Variants in NT5DC1 observed in about 807,000 individuals in gnomAD.
NT5DC1 encodes 5'-nucleotidase domain containing 1, also known as 5'-nucleotidase domain-containing protein 1.
In NT5DC1, 42 loss-of-function variants were observed where a neutral mutation model predicts 59.4. The observed-to-expected ratio is 0.71, with a 90% CI of 0.55 to 0.92. The LOEUF (loss-of-function observed/expected upper bound fraction) is 0.92, where lower values mean the gene tolerates loss of function less well. NT5DC1 is among the 40% of genes least tolerant of loss of function. The pLI is 0.00. For synonymous variants in NT5DC1, 172 were observed against 188.1 expected (o/e 0.91, Z 0.70); for missense variants, 501 against 537.1 (o/e 0.93, Z 0.66).
chr6:116,141,441 A>T (rs1273860545), intron 6 of NT5DC1, among the ~76,000 whole-genome samples: 2 of 152,152 alleles, frequency 1.3e-5, no homozygotes, highest in East Asian at 3.8e-4. Context: ...TGTTCAAAAT[A>T]ATTCATTGAG....
chr6:116,135,060 T>C (rs1474925772), intron 6 of NT5DC1, among the ~76,000 whole-genome samples: 1 of 152,186 alleles, frequency 6.6e-6, no homozygotes, highest in Non-Finnish European at 1.5e-5. Flanking sequence ...CATTTACTTA[T>C]TGATACATTG....
At chr6:116,147,635 G>C (rs928385818) in intron 6 of NT5DC1, among the ~76,000 whole-genome samples, 1 of 152,050 alleles carries the variant, frequency 6.6e-6, no homozygotes, top group Non-Finnish European at 1.5e-5. Flanking sequence ...CAAAGATTTA[G>C]TTTTATTTGT....
intron 9 of NT5DC1, chr6:116,237,490 A>T (rs1471430872): frequency 8.7e-6 from 4 of 458,036 alleles, no homozygotes; most frequent in South Asian, 6.2e-5. Context: ...GTGAGCTGAG[A>T]GATCGTGGGG....
chr6:116,156,681 A>G (rs537456448), intron 6 of NT5DC1, among the ~76,000 whole-genome samples: 2 of 152,342 alleles, frequency 1.3e-5, no homozygotes, highest in Admixed American at 1.3e-4. Flanking sequence ...ATGGAATGAC[A>G]CTGCAGATAT....
At chr6:116,110,344 A>G (rs184294359) in intron 3 of NT5DC1, among the ~76,000 whole-genome samples, 8 of 152,248 alleles carry the variant, frequency 5.3e-5, no homozygotes, top group Admixed American at 3.3e-4. Flanking sequence ...TGTGTCCTTG[A>G]GTGGGCAGGT....
rs1231780868 is a variant in NT5DC1, at chr6:116,223,086, G to T, written c.757G>T (p.Gly253Cys). The change falls in exon 8 of 12, where the codon GGT (glycine) becomes TGT (cysteine). Residue 253 changes from glycine (G) to cysteine (C), a missense_variant. Gly to Cys is a radical substitution (Grantham distance 159). Transcript: ENST00000319550. Reference sequence around the variant, plus strand: ...TGTGATTACAAATGCATTGAAGCCTGGTTTCTTCTCCCACTTACCAAGTCA... The same window carrying T: ...TGTGATTACAAATGCATTGAAGCCTTGTTTCTTCTCCCACTTACCAAGTCA... ...DIVITNALKP[G>C]FFSHLPSQRP... 6 of 1,609,186 alleles carry T rather than the reference G, an allele frequency of 3.7e-6. No individual in the cohort carries two copies. Among genetic ancestry groups the T allele is most frequent in the Non-Finnish European group, 5.1e-6 (6 of 1,175,978 alleles).
At chr6:116,178,377 T>G (rs73566411) in intron 6 of NT5DC1, among the ~76,000 whole-genome samples, 112 of 152,318 alleles carry the variant, frequency 7.4e-4, no homozygotes, top group African/African-American at 2.6e-3. Context: ...GAAGTCAGCC[T>G]TTCTTGATTC....
chr6:116,201,540 T>C (rs1244590007), intron 6 of NT5DC1, among the ~76,000 whole-genome samples: 1 of 151,984 alleles, frequency 6.6e-6, no homozygotes, highest in Non-Finnish European at 1.5e-5. Context: ...AGAACTTCAG[T>C]GAGGTGAGCA....
intron 6 of NT5DC1, among the ~76,000 whole-genome samples, chr6:116,150,024 G>T (rs1779997772): frequency 6.6e-6 from 1 of 152,164 alleles, no homozygotes; most frequent in Admixed American, 6.5e-5. Flanking sequence ...CTGTTGAGGA[G>T]CTGAGAGAAG....
intron 8 of NT5DC1, among the ~76,000 whole-genome samples, chr6:116,231,626 T>G (rs1441434838): frequency 1.3e-5 from 2 of 152,192 alleles, no homozygotes; most frequent in Non-Finnish European, 2.9e-5. Context: ...GAAAATGAAT[T>G]GTATTTCTAG....
intron 6 of NT5DC1, among the ~76,000 whole-genome samples, chr6:116,207,870 C>A (rs910471623): frequency 1.4e-4 from 21 of 151,990 alleles, no homozygotes; most frequent in Admixed American, 1.2e-3. Context: ...GGAATGAGGA[C>A]TGGGTTCCCA....
chr6:116,237,559 G>A (rs1782141307), intron 9 of NT5DC1: 2 of 456,338 alleles, frequency 4.4e-6, no homozygotes, highest in East Asian at 6.9e-5. Flanking sequence ...GACTCCTGAG[G>A]GTTAATGGAT....
chr6:116,114,478 T>G (rs141628710), intron 4 of NT5DC1, among the ~76,000 whole-genome samples: 392 of 118,330 alleles, frequency 3.3e-3, no homozygotes, highest in African/African-American at 0.012. Flanking sequence ...CAGTCAACGC[T>G]AAAGAACAAG....
At chr6:116,162,270 C>T (rs1205611400) in intron 6 of NT5DC1, among the ~76,000 whole-genome samples, 1 of 152,152 alleles carries the variant, frequency 6.6e-6, no homozygotes, top group African/African-American at 2.4e-5. Flanking sequence ...CCTTTAATTT[C>T]TTTCTCCTGC....
At chr6:116,197,843 G>A (rs948556416) in intron 6 of NT5DC1, among the ~76,000 whole-genome samples, 6 of 152,016 alleles carry the variant, frequency 3.9e-5, no homozygotes, top group South Asian at 2.1e-4. Flanking sequence ...ATTGAGAAGC[G>A]TTTACATGTA....
Position 116,247,543 on chromosome 6 carries a change from C to A in NT5DC1, c.*3519C>A, listed in dbSNP as rs945910743. Reference sequence around the variant, plus strand: ...GTAAGCTTAGTGGGAAATAGTATATCTGGGCCTATAGAGAAGTTGGGTCAT... The same window carrying A: ...GTAAGCTTAGTGGGAAATAGTATATATGGGCCTATAGAGAAGTTGGGTCAT... On this transcript the variant is annotated 3_prime_UTR_variant, in exon 12 of 12. Transcript: ENST00000319550. 3 of 152,084 alleles carry A rather than the reference C, an allele frequency of 2.0e-5. No individual in the cohort carries two copies. The highest frequency in any genetic ancestry group is 7.2e-5 in the African/African-American group (3 of 41,420). 9.4% of individuals were successfully genotyped at this position (152,084 alleles called of 1,614,324 possible). A position where few individuals can be genotyped will look rare whatever the true frequency, so the allele number is the denominator to read the frequency against.
At chr6:116,229,360 A>G (rs1781965539) in intron 8 of NT5DC1, among the ~76,000 whole-genome samples, 1 of 152,172 alleles carries the variant, frequency 6.6e-6, no homozygotes, top group Non-Finnish European at 1.5e-5. Flanking sequence ...AAGTAAAGTT[A>G]ATGCAACTGA....
At chr6:116,112,629 C>G (rs1442094476) in intron 4 of NT5DC1, among the ~76,000 whole-genome samples, 1 of 152,146 alleles carries the variant, frequency 6.6e-6, no homozygotes, top group African/African-American at 2.4e-5. Context: ...AATTCAGTGC[C>G]TGTATCGTGA....
At chr6:116,127,260 T>G (rs921246753) in intron 6 of NT5DC1, among the ~76,000 whole-genome samples, 4 of 152,158 alleles carry the variant, frequency 2.6e-5, no homozygotes, top group Non-Finnish European at 5.9e-5. Flanking sequence ...TTCTTTTCCC[T>G]TTCTCTCCCC....
Sources: allele counts gnomAD v4.1 joint callset (sites outside exome capture counted in the v4.1 genomes callset), GRCh38; gene constraint gnomAD v4.1.1; transcripts MANE v1.5; gene names NCBI Gene and HGNC (gene_info 2026-07-23, HGNC 2026-07-21).